GLI3: variants seen among roughly 807,000 people sequenced by gnomAD.
The protein encoded by GLI3 is GLI family zinc finger 3.
Under a neutral mutation model 100.8 loss-of-function variants are expected in GLI3, and 20 were observed. The observed-to-expected ratio is 0.20, with a 90% CI of 0.14 to 0.29. The LOEUF (loss-of-function observed/expected upper bound fraction) is 0.29. GLI3 is among the 10% of genes least tolerant of loss of function. The pLI, the probability that GLI3 is intolerant of heterozygous loss-of-function variation, is 1.00. For missense variants in GLI3, 2,040 were observed against 2,128.5 expected, an observed-to-expected ratio of 0.96 and a Z score of 0.82; for synonymous variants, 938 against 860.5, an observed-to-expected ratio of 1.09 and a Z score of -1.58.
At chr7:42,215,494 C>T (rs1021515620) in intron 2 of GLI3, among the ~76,000 whole-genome samples, 1 of 152,140 alleles carries the variant, frequency 6.6e-6, no homozygotes, top group Admixed American at 6.5e-5. Context: ...CCCATCATCA[C>T]CATTTCGCCG....
intron 13 of GLI3, among the ~76,000 whole-genome samples, chr7:41,971,924 T>G (rs1313120379): frequency 1.3e-5 from 2 of 152,200 alleles, no homozygotes; most frequent in Non-Finnish European, 2.9e-5. Context: ...GGTATTTGTT[T>G]TTCAGTCTAT....
intron 2 of GLI3, among the ~76,000 whole-genome samples, chr7:42,161,484 C>A (rs966807442): frequency 1.3e-5 from 2 of 152,074 alleles, no homozygotes; most frequent in Non-Finnish European, 2.9e-5. Flanking sequence ...GACAACAACA[C>A]CCATTAGTAA....
chr7:42,046,188 C>T (rs559461601), intron 5 of GLI3, among the ~76,000 whole-genome samples: 3 of 152,274 alleles, frequency 2.0e-5, no homozygotes, highest in South Asian at 4.1e-4. Context: ...TAGTCGGTTT[C>T]CACCTGCCAA....
chr7:42,162,101 G>A (rs1196065907), intron 2 of GLI3, among the ~76,000 whole-genome samples: 1 of 152,216 alleles, frequency 6.6e-6, no homozygotes, highest in African/African-American at 2.4e-5. Context: ...CCTGAGAAGG[G>A]ACGCAGAGGC....
At chr7:42,193,139 C>A (rs1021140501) in intron 2 of GLI3, among the ~76,000 whole-genome samples, 8 of 152,134 alleles carry the variant, frequency 5.3e-5, no homozygotes, top group African/African-American at 1.9e-4. Flanking sequence ...TAAATGGATA[C>A]TCTAGAGAAA....
intron 4 of GLI3, among the ~76,000 whole-genome samples, chr7:42,061,713 A>T (rs1784572685): frequency 6.6e-6 from 1 of 152,216 alleles, no homozygotes; most frequent in Non-Finnish European, 1.5e-5. Context: ...GGAGGGTGTT[A>T]ACTTTTCAAA....
chr7:42,078,919 C>A (rs555087483), intron 3 of GLI3, among the ~76,000 whole-genome samples: 25 of 152,094 alleles, frequency 1.6e-4, no homozygotes, highest in African/African-American at 5.3e-4. Context: ...TTAGTAGACA[C>A]AGGCTTTCAC....
In GLI3 at chr7:41,989,962, G is replaced by GGGTGACA. The variant is rs568247310; in HGVS notation, c.1498-11221_1498-11215dup. Reference sequence around the variant, plus strand: ...AGATTGCACCACTGCACGCCAGCCTGGGTGACAGAGCAAGACTCTGTCTCC... The same window carrying GGGTGACA: ...AGATTGCACCACTGCACGCCAGCCTGGGTGACAGGTGACAGAGCAAGACTCTGTCTCC... On this transcript the variant is annotated intron_variant, in intron 10 of 14. Coordinates refer to ENST00000395925, the MANE Select transcript of GLI3 (RefSeq NM_000168.6). 3.5e-4 allele frequency among the ~76,000 whole-genome samples: 51 copies of GGGTGACA among 146,492 alleles called. No individual in the cohort carries two copies. In the East Asian group the frequency reaches 9.0e-3, roughly 26 times the overall value.
chr7:41,967,782 T>G lies in GLI3; in HGVS notation c.2245A>C (p.Ile749Leu), dbSNP rs140048578. ...GDLSAIDETP[I>L]MDSTISTATT... ...GCAGTGGAAATGGTTGAGTCCATGA[T>G]TGGGGTTTCATCGATGGCACTGAGG... The change falls in exon 14 of 15, where the codon ATC becomes CTC. Residue 749 changes from isoleucine to leucine, a missense_variant. By Grantham distance (5) the Ile-to-Leu change is conservative (BLOSUM62 2). Around this residue, in one of 5 missense-constraint regions of GLI3, gnomAD observed 327 missense variants for 338.7 expected, o/e 0.97. Coordinates refer to ENST00000395925, the MANE Select transcript of GLI3 (RefSeq NM_000168.6). 1.5e-5 allele frequency: 24 copies of G among 1,614,116 alleles called. No individual in the cohort carries two copies. Among genetic ancestry groups the G allele is most frequent in the Non-Finnish European group, 1.9e-5 (22 of 1,180,004 alleles).
intron 2 of GLI3, among the ~76,000 whole-genome samples, chr7:42,211,084 CAGAT>C (rs1788263212): frequency 1.3e-5 from 2 of 150,860 alleles, no homozygotes; most frequent in African/African-American, 2.5e-5. Flanking sequence ...TTGGGCCAAA[CAGAT>C]GGATAAAAAT....
chr7:42,026,926 G>A lies in GLI3; in HGVS notation c.1029-514C>T, dbSNP rs142555884. On this transcript the variant is annotated intron_variant, in intron 7 of 14. Transcript: ENST00000395925. Reference sequence around the variant, plus strand: ...TTTGTTTGTAAAGATGGAAAGCTTGGTTCATCCAGAATGCCACCTAAAGAA... The same window carrying A: ...TTTGTTTGTAAAGATGGAAAGCTTGATTCATCCAGAATGCCACCTAAAGAA... Among the ~76,000 whole-genome samples the A allele has an allele frequency of 8.9e-4, 135 of 152,284 alleles. 3 individuals are homozygous for A. Among genetic ancestry groups the A allele is most frequent in the African/African-American group, 3.1e-3 (128 of 41,558 alleles).
At chr7:42,180,137 A>ACCT (rs1247796071) in intron 2 of GLI3, among the ~76,000 whole-genome samples, 1 of 152,072 alleles carries the variant, frequency 6.6e-6, no homozygotes, top group Non-Finnish European at 1.5e-5. Context: ...CCTGCAGAGG[A>ACCT]CAGGCAGTGG....
At chr7:42,146,433 G>C (rs931250037) in intron 3 of GLI3, among the ~76,000 whole-genome samples, 2 of 152,150 alleles carry the variant, frequency 1.3e-5, no homozygotes, top group Admixed American at 6.5e-5. Flanking sequence ...TAAAACAAAC[G>C]AACCAAGAAC....
intron 3 of GLI3, among the ~76,000 whole-genome samples, chr7:42,103,120 A>G (rs1785503414): frequency 7.3e-6 from 1 of 136,308 alleles, no homozygotes; most frequent in Middle Eastern, 4.1e-3. Flanking sequence ...TGACTGGGGG[A>G]GAGTATGTTT....
chr7:42,060,866 T>A, intron 4 of GLI3, among the ~76,000 whole-genome samples: 1 of 152,198 alleles, frequency 6.6e-6, no homozygotes, highest in Non-Finnish European at 1.5e-5. Context: ...AACTTATCCA[T>A]CATGATTTCC....
chr7:42,257,745 T>A (rs181600679), intron 1 of GLI3, among the ~76,000 whole-genome samples: 37 of 150,932 alleles, frequency 2.5e-4, no homozygotes, highest in Admixed American at 4.0e-4. Context: ...GATTGTTTTT[T>A]AAAAAAAAAA....
chr7:42,079,885 A>C (rs1784963596), intron 3 of GLI3, among the ~76,000 whole-genome samples: 1 of 152,238 alleles, frequency 6.6e-6, no homozygotes, highest in Non-Finnish European at 1.5e-5. Context: ...TTCCACATTT[A>C]ATATATGCCT....
intron 10 of GLI3, among the ~76,000 whole-genome samples, chr7:41,987,499 A>G (rs1787863959): frequency 6.6e-6 from 1 of 152,142 alleles, no homozygotes. Context: ...AGTATTTTCC[A>G]GTGGGTTTCT....
intron 7 of GLI3, among the ~76,000 whole-genome samples, chr7:42,031,010 C>T (rs1223901187): frequency 3.4e-5 from 3 of 87,644 alleles, no homozygotes; most frequent in Non-Finnish European, 6.4e-5. Context: ...TGAGCCACCA[C>T]ACCCAGGCAT....
Sources: allele counts gnomAD v4.1 joint callset (sites outside exome capture counted in the v4.1 genomes callset), GRCh38; gene constraint gnomAD v4.1.1; regional missense constraint gnomAD v4.1.1; transcripts MANE v1.5; gene names NCBI Gene and HGNC (gene_info 2026-07-23, HGNC 2026-07-21).